Variants in EIF4E observed in about 807,000 individuals in gnomAD.
EIF4E encodes eukaryotic translation initiation factor 4E, also known as eIF-4F 25 kDa subunit.
For missense variants in EIF4E, 113 were observed against 265.6 expected, an observed-to-expected ratio of 0.43 and a Z score of 3.99; for synonymous variants, 71 against 88.5, an observed-to-expected ratio of 0.80 and a Z score of 1.11.
At chr4:98,903,990 G>A (rs1350480122) in intron 1 of EIF4E, among the ~76,000 whole-genome samples, 1 of 152,134 alleles carries the variant, frequency 6.6e-6, no homozygotes, top group Non-Finnish European at 1.5e-5. Context: ...GGTAGGCTTT[G>A]GGGGACAGGG....
intron 1 of EIF4E, among the ~76,000 whole-genome samples, chr4:98,907,156 T>G (rs1560646473): frequency 6.6e-6 from 1 of 152,178 alleles, no homozygotes; most frequent in Non-Finnish European, 1.5e-5. Flanking sequence ...TAAATTATAT[T>G]TATCACTTTC....
chr4:98,899,666 T>C (rs1724565762), intron 2 of EIF4E, among the ~76,000 whole-genome samples: 1 of 152,148 alleles, frequency 6.6e-6, no homozygotes, highest in Non-Finnish European at 1.5e-5. Flanking sequence ...TAATAAAATA[T>C]ATGGTGGTAT....
chr4:98,921,370 A>G (rs548531759), intron 1 of EIF4E, among the ~76,000 whole-genome samples: 2 of 150,826 alleles, frequency 1.3e-5, no homozygotes, highest in South Asian at 4.1e-4. Flanking sequence ...TATCAAAATT[A>G]GTTACAATAT....
intron 1 of EIF4E, among the ~76,000 whole-genome samples, chr4:98,928,501 G>A (rs1721320589): frequency 6.6e-6 from 1 of 151,982 alleles, no homozygotes; most frequent in Non-Finnish European, 1.5e-5. Context: ...ACTCCCCTAA[G>A]CGAGGTCGAA....
intron 6 of EIF4E, 28 bp from the exon 7 acceptor site, chr4:98,881,170 A>G (rs764265247): frequency 1.6e-5 from 25 of 1,607,408 alleles, no homozygotes; most frequent in South Asian, 1.2e-4. Context: ...AGAAGAAGAA[A>G]AAAGTAGTCA....
At chr4:98,921,721 A>G (rs1055800340) in intron 1 of EIF4E, among the ~76,000 whole-genome samples, 6 of 152,248 alleles carry the variant, frequency 3.9e-5, no homozygotes. Context: ...ACTTATCACC[A>G]AAATTACTAA....
chr4:98,880,146 T>A lies in EIF4E; in HGVS notation c.*882A>T, dbSNP rs1723619890. ...GGGACTGCTTTTCTACTTGAGCCAT[T>A]TTTAACCAAAGCAAAATAACCTAAG... On this transcript the variant is annotated 3_prime_UTR_variant, in exon 7 of 7. Transcript: ENST00000450253. The A allele has an allele frequency of 6.6e-6, 1 of 152,488 alleles. No individual in the cohort carries two copies. Among genetic ancestry groups the A allele is most frequent in the South Asian group, 2.1e-4 (1 of 4,826 alleles). 9.4% of individuals were successfully genotyped at this position (152,488 alleles called of 1,614,324 possible).
intron 5 of EIF4E, chr4:98,886,571 T>C (rs761800878): frequency 9.9e-6 from 4 of 402,650 alleles, no homozygotes; most frequent in Non-Finnish European, 9.9e-6. Context: ...GAAAATTAGC[T>C]GGGCATGGTG....
At chr4:98,922,137 T>C (rs1052687048) in intron 1 of EIF4E, among the ~76,000 whole-genome samples, 8 of 152,052 alleles carry the variant, frequency 5.3e-5, no homozygotes, top group African/African-American at 1.9e-4. Flanking sequence ...CTTGAAAGAG[T>C]GCAACGGTTA....
intron 2 of EIF4E, among the ~76,000 whole-genome samples, chr4:98,899,324 T>C (rs761730632): frequency 1.3e-5 from 2 of 152,062 alleles, no homozygotes; most frequent in African/African-American, 2.4e-5. Context: ...AATATGAAAA[T>C]ATTTTGAAAC....
At chr4:98,900,388 A>G (rs1383408035) in intron 2 of EIF4E, among the ~76,000 whole-genome samples, 3 of 152,178 alleles carry the variant, frequency 2.0e-5, no homozygotes, top group Non-Finnish European at 4.4e-5. Context: ...AGGGTCTCCT[A>G]TGAGAAAACT....
chr4:98,905,706 T>C (rs1268770193), intron 1 of EIF4E, among the ~76,000 whole-genome samples: 2 of 152,186 alleles, frequency 1.3e-5, no homozygotes, highest in African/African-American at 4.8e-5. Flanking sequence ...GCTGAGTTTA[T>C]CAGCTTCAAA....
At chr4:98,889,839 T>TG (rs1560635846) in intron 3 of EIF4E, among the ~76,000 whole-genome samples, 2 of 152,010 alleles carry the variant, frequency 1.3e-5, no homozygotes, top group African/African-American at 2.4e-5. Flanking sequence ...AGCTTTTTTT[T>TG]GGGGGGTGCA....
rs189434573 is a variant in EIF4E, at chr4:98,916,310, A to G, written c.18+12785T>C. ...ACAAAAAAAAAAAAAAAAGGAAGAG[A>G]AGGAGGATGGGAGGGAGAAAATAAA... On this transcript the variant is annotated intron_variant, in intron 1 of 6. Coordinates refer to ENST00000450253, the MANE Select transcript of EIF4E (RefSeq NM_001968.5). Among the ~76,000 whole-genome samples, 398 of 151,320 alleles carry G rather than the reference A, an allele frequency of 2.6e-3. 3 individuals carry two copies. The highest frequency in any genetic ancestry group is 8.7e-3 in the African/African-American group (360 of 41,194).
intron 1 of EIF4E, chr4:98,909,523 T>C: frequency 3.3e-6 from 2 of 607,844 alleles, no homozygotes. Context: ...AAAAACACCC[T>C]GTACATAAAA....
At chr4:98,899,781 T>C (rs28659811) in intron 2 of EIF4E, among the ~76,000 whole-genome samples, 3,578 of 152,226 alleles carry the variant, frequency 0.024, 84 homozygotes, top group Non-Finnish European at 0.033. Context: ...TATACATATG[T>C]GCATTTAATA....
At chr4:98,918,548 T>A (rs1725502642) in intron 1 of EIF4E, among the ~76,000 whole-genome samples, 1 of 152,162 alleles carries the variant, frequency 6.6e-6, no homozygotes, top group African/African-American at 2.4e-5. Flanking sequence ...TTAAAATTTT[T>A]CAATCCGTTG....
intron 1 of EIF4E, among the ~76,000 whole-genome samples, chr4:98,910,900 T>C (rs1302907075): frequency 6.6e-6 from 1 of 151,524 alleles, no homozygotes; most frequent in African/African-American, 2.4e-5. Context: ...TGGCTAATTA[T>C]TTGTATTTTA....
At chr4:98,889,532 G>A (rs1028514694) in intron 3 of EIF4E, among the ~76,000 whole-genome samples, 2 of 152,132 alleles carry the variant, frequency 1.3e-5, no homozygotes, top group Non-Finnish European at 2.9e-5. Flanking sequence ...AGACTATGCA[G>A]TCTGGATAAA....
Sources: gnomAD v4.1 joint callset for allele counts (sites outside exome capture counted in the v4.1 genomes callset) on GRCh38, gnomAD v4.1.1 for gene constraint, MANE v1.5 for transcripts, NCBI Gene and HGNC (gene_info 2026-07-23, HGNC 2026-07-21) for gene names.